Variants in HSF2BP observed in about 807,000 individuals in gnomAD.
HSF2BP encodes heat shock transcription factor 2 binding protein, also known as heat shock factor 2-binding protein.
In HSF2BP, 35 loss-of-function variants were observed where a neutral mutation model predicts 35.0. The ratio of observed to expected loss-of-function variants is 1.00; its 90% CI spans 0.76 to 1.32. HSF2BP has a LOEUF of 1.32. HSF2BP is among the 40% of genes most tolerant of loss of function. The pLI is 0.00. For synonymous variants in HSF2BP, 114 were observed against 117.4 expected, an observed-to-expected ratio of 0.97 and a Z score of 0.18; for missense variants, 326 against 321.7, an observed-to-expected ratio of 1.01 and a Z score of -0.10.
intron 6 of HSF2BP, among the ~76,000 whole-genome samples, chr21:43,624,965 A>G (rs1190500315): frequency 6.6e-6 from 1 of 152,170 alleles, no homozygotes; most frequent in Non-Finnish European, 1.5e-5. Flanking sequence ...AGATGTTACT[A>G]TTCCACCTTA....
chr21:43,612,763 T>G (rs1474384999), intron 7 of HSF2BP, among the ~76,000 whole-genome samples: 1 of 151,966 alleles, frequency 6.6e-6, no homozygotes, highest in Non-Finnish European at 1.5e-5. Flanking sequence ...CCTAGGAGTT[T>G]GAGGCCAGCC....
At chr21:43,595,726 A>AT (rs770855952) in intron 7 of HSF2BP, among the ~76,000 whole-genome samples, 6,358 of 56,800 alleles carry the variant, frequency 0.11, 1,873 homozygotes, top group Non-Finnish European at 0.15. Context: ...TAAGAGGCTA[A>AT]TTTTTTTTTT....
intron 6 of HSF2BP, among the ~76,000 whole-genome samples, chr21:43,629,846 G>C (rs908727255): frequency 3.9e-5 from 6 of 152,178 alleles, no homozygotes; most frequent in African/African-American, 1.4e-4. Context: ...AGGTTTGAGA[G>C]GGCTGACTCC....
intron 4 of HSF2BP, among the ~76,000 whole-genome samples, chr21:43,643,046 T>C (rs1052056093): frequency 5.9e-5 from 9 of 152,146 alleles, no homozygotes; most frequent in South Asian, 2.1e-4. Flanking sequence ...TAAAAATATA[T>C]CCAGGCCCCA....
At chr21:43,573,813 G>A (rs2081605995) in intron 8 of HSF2BP, among the ~76,000 whole-genome samples, 2 of 152,192 alleles carry the variant, frequency 1.3e-5, no homozygotes, top group Admixed American at 1.3e-4. Flanking sequence ...GGTGACACCT[G>A]GGCATCTCGG....
chr21:43,638,024 A>G (rs9980185), intron 4 of HSF2BP, among the ~76,000 whole-genome samples: 103,488 of 152,066 alleles, frequency 0.68, 35,873 homozygotes, highest in African/African-American at 0.79. Flanking sequence ...CTGGCTACGC[A>G]AGAAGGAAAG....
At chr21:43,573,460 T>C (rs961642889) in intron 8 of HSF2BP, among the ~76,000 whole-genome samples, 1 of 152,168 alleles carries the variant, frequency 6.6e-6, no homozygotes, top group Non-Finnish European at 1.5e-5. Context: ...GGAAAATAAA[T>C]TAGAAATCCA....
chr21:43,603,066 C>T (rs535941603), intron 7 of HSF2BP, among the ~76,000 whole-genome samples: 1 of 151,374 alleles, frequency 6.6e-6, no homozygotes, highest in Non-Finnish European at 1.5e-5. Context: ...TAAGGAAGTA[C>T]AAAAAAAGGA....
At chr21:43,653,705 T>C (rs1402428069) in intron 3 of HSF2BP, among the ~76,000 whole-genome samples, 1 of 152,072 alleles carries the variant, frequency 6.6e-6, no homozygotes, top group Non-Finnish European at 1.5e-5. Context: ...CATCATCAGA[T>C]TGAACTGCCA....
At chr21:43,652,700 G>T (rs2082805692) in intron 3 of HSF2BP, among the ~76,000 whole-genome samples, 2 of 152,092 alleles carry the variant, frequency 1.3e-5, no homozygotes, top group Non-Finnish European at 2.9e-5. Flanking sequence ...AAACTCAAAA[G>T]CCAAAATTAG....
intron 4 of HSF2BP, among the ~76,000 whole-genome samples, chr21:43,637,010 C>T (rs750902325): frequency 1.3e-5 from 2 of 151,262 alleles, no homozygotes; most frequent in Non-Finnish European, 2.9e-5. Context: ...TGGAACAGGA[C>T]GAGCGAAGTG....
chr21:43,640,972 A>G, intron 4 of HSF2BP, among the ~76,000 whole-genome samples: 1 of 152,208 alleles, frequency 6.6e-6, no homozygotes, highest in East Asian at 1.9e-4. Flanking sequence ...ACAGTTTATC[A>G]AGCACAAAAC....
chr21:43,600,141 C>T (rs1468397922), intron 7 of HSF2BP, among the ~76,000 whole-genome samples: 1 of 152,172 alleles, frequency 6.6e-6, no homozygotes, highest in Non-Finnish European at 1.5e-5. Flanking sequence ...CAGGGCTGAA[C>T]AAGCACAAGG....
chr21:43,626,884 A>T (rs1051860317), intron 6 of HSF2BP, among the ~76,000 whole-genome samples: 4 of 138,460 alleles, frequency 2.9e-5, no homozygotes, highest in African/African-American at 1.3e-4. Context: ...TTTTTTTTTT[A>T]AGAGACGGAG....
intron 7 of HSF2BP, among the ~76,000 whole-genome samples, chr21:43,595,641 G>C (rs1037335655): frequency 1.4e-5 from 2 of 145,106 alleles, no homozygotes; most frequent in Non-Finnish European, 3.0e-5. Flanking sequence ...CTGTGTGACA[G>C]AGCAAGACCC....
At chr21:43,583,514 C>T (rs2081793751) in intron 8 of HSF2BP, among the ~76,000 whole-genome samples, 1 of 70,614 alleles carries the variant, frequency 1.4e-5, no homozygotes, top group Admixed American at 1.6e-4. Flanking sequence ...AGATGAAGGG[C>T]CTGAGGGAGA....
At chr21:43,603,020 C>T (rs1161702345) in intron 7 of HSF2BP, among the ~76,000 whole-genome samples, 1 of 151,634 alleles carries the variant, frequency 6.6e-6, no homozygotes, top group Admixed American at 6.6e-5. Flanking sequence ...TCATAGGCAG[C>T]GTGGGCAGTG....
At chr21:43,598,182 T>C (rs1002649784) in intron 7 of HSF2BP, among the ~76,000 whole-genome samples, 1 of 151,644 alleles carries the variant, frequency 6.6e-6, no homozygotes, top group Non-Finnish European at 1.5e-5. Flanking sequence ...GGCACTTTCT[T>C]TTTTTTTGTT....
chr21:43,655,619 C>T (rs2082856852), intron 3 of HSF2BP, among the ~76,000 whole-genome samples: 1 of 152,118 alleles, frequency 6.6e-6, no homozygotes, highest in African/African-American at 2.4e-5. Flanking sequence ...AGAAACACCC[C>T]AACCTCTCTC....
Sources: gnomAD v4.1 joint callset for allele counts (sites outside exome capture counted in the v4.1 genomes callset) on GRCh38, gnomAD v4.1.1 for gene constraint, MANE v1.5 for transcripts, NCBI Gene and HGNC (gene_info 2026-07-23, HGNC 2026-07-21) for gene names.